The following APAF1 variants were observed in gnomAD, a reference collection of about 807,000 sequenced individuals.
APAF1 encodes the protein apoptotic protease-activating factor 1.
Under a neutral mutation model 152.4 loss-of-function variants are expected in APAF1, and 91 were observed. That is an observed-to-expected ratio of 0.60 (90% CI 0.50 to 0.71). APAF1 has a LOEUF of 0.71. APAF1 is among the 30% of genes least tolerant of loss of function. The pLI is 0.00. For synonymous variants in APAF1, 484 were observed against 494.1 expected (o/e 0.98, Z 0.27); for missense variants, 1,283 against 1,472.0 (o/e 0.87, Z 2.10).
chr12:98,717,617 C>A (rs182293964), intron 22 of APAF1, among the ~76,000 whole-genome samples: 11 of 152,146 alleles, frequency 7.2e-5, no homozygotes, highest in African/African-American at 2.4e-4. Flanking sequence ...CTCAGGTGAT[C>A]CACCCACCTT....
In APAF1 at chr12:98,671,039, C is replaced by T. The variant is rs757373827; in HGVS notation, c.1561C>T (p.His521Tyr). ...KAKTELVGPAHLIHEFVEYRH... is the reference protein window; with the variant it reads ...KAKTELVGPAYLIHEFVEYRH... The stretch of plus-strand genomic sequence containing the variant: ...AAAAACAGAACTTGTAGGCCCTGCT[C>T]ATCTGATTCATGAATTTGTGGAATA... Residue 521 changes from histidine to tyrosine, a missense_variant, in exon 11 of 27, where the codon CAT (histidine) becomes TAT (tyrosine). Coordinates refer to ENST00000551964, the MANE Select transcript of APAF1 (RefSeq NM_181861.2). The T allele has an allele frequency of 5.0e-6, 8 of 1,612,156 alleles. No individual in the cohort carries two copies. The highest frequency in any genetic ancestry group is 1.7e-5 in the Admixed American group (1 of 59,846).
At chr12:98,723,018 C>T (rs1237889562) in intron 22 of APAF1, among the ~76,000 whole-genome samples, 175 bp from the exon 23 acceptor site, 8 of 152,080 alleles carry the variant, frequency 5.3e-5, no homozygotes, top group South Asian at 2.1e-4. Flanking sequence ...TTTACATAAC[C>T]GCAGCTTCTG....
intron 12 of APAF1, among the ~76,000 whole-genome samples, chr12:98,672,603 G>C (rs1014751115): frequency 1.3e-5 from 2 of 151,886 alleles, no homozygotes; most frequent in African/African-American, 4.8e-5. Flanking sequence ...CCTTAATCTT[G>C]TAAGGAAAGG....
At position 98,725,553 on chromosome 12, in the gene APAF1, C is replaced by T. The variant is rs754900925; in HGVS notation, c.3456+13C>T. On this transcript the variant is annotated intron_variant, in intron 25 of 26. Transcript: ENST00000551964. The stretch of plus-strand genomic sequence containing the variant: ...TGGAGAAATCAGGGTAGGCTGTTTG[C>T]TGACATGAGAGCACTGCTCTTCTTG... 40 of 1,613,854 alleles carry T rather than the reference C, an allele frequency of 2.5e-5. No individual in the cohort carries two copies. Among genetic ancestry groups the T allele is most frequent in the Non-Finnish European group, 3.3e-5 (39 of 1,179,910 alleles).
At chr12:98,648,532 AAATTTTTAG>A in intron 2 of APAF1, 35 bp downstream of exon 2, 1 of 1,609,740 alleles carries the variant, frequency 6.2e-7, no homozygotes, top group Non-Finnish European at 8.5e-7. Context: ...ACTTCCTTAA[AAATTTTTAG>A]AATTTCAGAA....
chr12:98,652,127 T>A (rs1241400664), intron 4 of APAF1, among the ~76,000 whole-genome samples: 1 of 152,206 alleles, frequency 6.6e-6, no homozygotes, highest in South Asian at 2.1e-4. Context: ...TTTTTAAACA[T>A]TTTTTTGTAG....
At chr12:98,663,989 A>G (rs1565862235) in intron 7 of APAF1, among the ~76,000 whole-genome samples, 1 of 149,000 alleles carries the variant, frequency 6.7e-6, no homozygotes, top group Non-Finnish European at 1.5e-5. Context: ...TCAAATAGAC[A>G]CACAGTTTTG....
At chr12:98,664,094 A>G (rs1241342167) in intron 7 of APAF1, among the ~76,000 whole-genome samples, 1 of 151,804 alleles carries the variant, frequency 6.6e-6, no homozygotes, top group African/African-American at 2.4e-5. Context: ...ACCTCTGCTC[A>G]CTGCAACCTC....
At chr12:98,683,372 G>C in intron 15 of APAF1, 98 bp downstream of exon 15, 1 of 1,213,162 alleles carries the variant, frequency 8.2e-7, no homozygotes, top group Non-Finnish European at 1.2e-6. Context: ...GGACTTTCTG[G>C]TCACAATGAT....
chr12:98,648,260 A>G (rs1421290839), intron 1 of APAF1, 59 bp from the exon 2 acceptor site: 3 of 1,435,128 alleles, frequency 2.1e-6, no homozygotes, highest in African/African-American at 2.8e-5. Context: ...TATTAGTGAG[A>G]TTATGTATCT....
chr12:98,714,692 G>C (rs1238565405), intron 21 of APAF1, among the ~76,000 whole-genome samples: 2 of 152,118 alleles, frequency 1.3e-5, no homozygotes, highest in East Asian at 3.9e-4. Context: ...TCTTCCAGAC[G>C]TGGGTTAGGT....
intron 22 of APAF1, 32 bp from the exon 23 acceptor site, chr12:98,723,161 G>C: frequency 6.2e-7 from 1 of 1,609,034 alleles, no homozygotes. Flanking sequence ...ATCGGGGGAG[G>C]ATTATAACAG....
rs557922358 is a variant in APAF1, at chr12:98,709,064, G to A, written c.2841+360G>A. Among the ~76,000 whole-genome samples, 7 of 152,296 alleles carry A rather than the reference G, an allele frequency of 4.6e-5. No individual in the cohort carries two copies. In the South Asian group the frequency reaches 1.4e-3, roughly 32 times the overall value. On this transcript the variant is annotated intron_variant, in intron 20 of 26. Transcript: ENST00000551964. ...TGAGCATATGGAAGCATTTTTAAAAGGGAAGGATTCCAGGGTCTTTGAAAG... is the reference window on the plus strand; with the variant it reads ...TGAGCATATGGAAGCATTTTTAAAAAGGAAGGATTCCAGGGTCTTTGAAAG...
intron 18 of APAF1, among the ~76,000 whole-genome samples, chr12:98,704,745 G>A (rs556912938): frequency 1.3e-5 from 2 of 152,132 alleles, no homozygotes; most frequent in African/African-American, 4.8e-5. Flanking sequence ...GCAGTGTTTT[G>A]TTGGGCAGAG....
intron 5 of APAF1, among the ~76,000 whole-genome samples, chr12:98,661,072 T>G (rs776770955): frequency 1.8e-4 from 27 of 152,198 alleles, no homozygotes; most frequent in South Asian, 6.2e-4. Flanking sequence ...GGGCTAATTT[T>G]TTGTATTTTT....
rs2097638767 is a variant in APAF1, at chr12:98,645,517, C to T, written c.-360C>T. 1 of 152,266 alleles carries T rather than the reference C, an allele frequency of 6.6e-6. No individual in the cohort carries two copies. Among genetic ancestry groups the T allele is most frequent in the Admixed American group, 6.5e-5 (1 of 15,280 alleles). 9.4% of individuals were successfully genotyped at this position (152,266 alleles called of 1,614,324 possible). A position where few individuals can be genotyped will look rare whatever the true frequency, so the allele number is the denominator to read the frequency against. ...CTTTGTGTCCAGTAGTGGGGTCCACCGGAGGGCGGCCCGTGGGCCGGGCCT... is the reference window on the plus strand; with the variant it reads ...CTTTGTGTCCAGTAGTGGGGTCCACTGGAGGGCGGCCCGTGGGCCGGGCCT... On this transcript the variant is annotated 5_prime_UTR_variant, in exon 1 of 27. Transcript: ENST00000551964.
At chr12:98,652,319 C>T (rs1329120974) in intron 4 of APAF1, among the ~76,000 whole-genome samples, 1 of 152,168 alleles carries the variant, frequency 6.6e-6, no homozygotes, top group Non-Finnish European at 1.5e-5. Flanking sequence ...ACATTTCCCC[C>T]AGATGAGTAT....
At position 98,659,301 on chromosome 12, in the gene APAF1, C is replaced by T. The variant is rs778498609; in HGVS notation, c.668C>T (p.Ala223Val). The change falls in exon 5 of 27, where the codon GCT becomes GTT. Residue 223 changes from alanine (A) to valine (V), a missense_variant. Transcript: ENST00000551964. ...SQRLPLNIEE[A>V]KDRLRILMLR... The stretch of plus-strand genomic sequence containing the variant: ...AGGCTTCCACTTAATATTGAAGAGG[C>T]TAAAGACCGTCTCCGCATTCTGATG... 5 of 1,614,042 alleles carry T rather than the reference C, an allele frequency of 3.1e-6. No individual in the cohort carries two copies. The highest frequency in any genetic ancestry group is 1.3e-5 in the African/African-American group (1 of 74,918).
chr12:98,665,278 A>ATATATATTTTTT (rs1491316422), intron 7 of APAF1, among the ~76,000 whole-genome samples: 8 of 66,012 alleles, frequency 1.2e-4, no homozygotes, highest in African/African-American at 4.0e-4. Context: ...ATATATATAT[A>ATATATATTTTTT]TTTTTTTTTT....
Sources: gnomAD v4.1 joint callset for allele counts (sites outside exome capture counted in the v4.1 genomes callset) on GRCh38, gnomAD v4.1.1 for gene constraint, MANE v1.5 for transcripts, NCBI Gene and HGNC (gene_info 2026-07-23, HGNC 2026-07-21) for gene names.